RECQL5: variants seen among roughly 807,000 people sequenced by gnomAD.
The protein encoded by RECQL5 is ATP-dependent DNA helicase Q5.
In RECQL5, 88 loss-of-function variants were observed where a neutral mutation model predicts 103.4. That is an observed-to-expected ratio of 0.85 (90% CI 0.72 to 1.02). The LOEUF (loss-of-function observed/expected upper bound fraction) is 1.02, where lower values mean the gene tolerates loss of function less well. Among genes scored for constraint, RECQL5 ranks in the 50% least tolerant of loss-of-function variants. RECQL5 has a pLI of 0.00. For missense variants in RECQL5, 1,232 were observed against 1,284.3 expected, an observed-to-expected ratio of 0.96 and a Z score of 0.62; for synonymous variants, 552 against 507.9, an observed-to-expected ratio of 1.09 and a Z score of -1.17.
rs1190605634 is a variant in RECQL5 at position 75,631,641 on chromosome 17, G to A, written c.1257C>T (p.Tyr419=). The change falls in exon 9 of 20, where the codon TAC becomes TAT. Residue 419 remains tyrosine, a synonymous_variant. Coordinates refer to ENST00000317905, the MANE Select transcript of RECQL5 (RefSeq NM_004259.7). ...CGCAGGCAGGCAGCGCATCCCCGAA[G>A]TACTTGGCAATGGCGGCATGGCGGC... ...LGCRHAAIAK[Y]FGDALPACAK... 2 of 1,611,732 alleles carry A rather than the reference G, an allele frequency of 1.2e-6. No homozygotes were observed. The highest frequency in any genetic ancestry group is 1.3e-5 in the African/African-American group (1 of 74,902).
chr17:75,651,137 TAAATG>T, intron 8 of RECQL5, 44 bp downstream of exon 8: 1 of 1,613,950 alleles, frequency 6.2e-7, no homozygotes, highest in South Asian at 1.1e-5. Flanking sequence ...GCCGGGGAAG[TAAATG>T]ATCTCACTGA....
At chr17:75,649,833 G>C (rs1188770398) in intron 8 of RECQL5, 2 of 985,356 alleles carry the variant, frequency 2.0e-6, no homozygotes, top group Non-Finnish European at 2.4e-6. Context: ...TGGACTCCTT[G>C]AGTCCACAGA....
At chr17:75,630,043 T>C (rs2059177364) in intron 14 of RECQL5, 141 bp downstream of exon 14, 2 of 745,302 alleles carry the variant, frequency 2.7e-6, no homozygotes, top group East Asian at 3.2e-5. Context: ...AATGGAGCTC[T>C]ACCCCCATAA....
At chr17:75,647,828 T>C in intron 8 of RECQL5, 1 of 399,520 alleles carries the variant, frequency 2.5e-6, no homozygotes, top group South Asian at 4.9e-5. Flanking sequence ...TAAAAGCACA[T>C]GGAGAGGATG....
intron 7 of RECQL5, among the ~76,000 whole-genome samples, chr17:75,651,933 G>A (rs1013811074): frequency 6.6e-6 from 1 of 152,084 alleles, no homozygotes; most frequent in Admixed American, 6.6e-5. Flanking sequence ...TTCTTGATAA[G>A]CTTAAAACAT....
At chr17:75,647,306 C>A in intron 8 of RECQL5, 2 of 1,397,424 alleles carry the variant, frequency 1.4e-6, no homozygotes, top group Admixed American at 2.2e-5. Flanking sequence ...GCGGGCAGAG[C>A]ATAGCACCTG....
chr17:75,630,815 C>A lies in RECQL5; in HGVS notation c.1608G>T (p.Glu536Asp). 6.7e-7 allele frequency: 1 copy of A among 1,497,232 alleles called. No individual in the cohort carries two copies. 92.7% of individuals were successfully genotyped at this position (1,497,232 alleles called of 1,614,324 possible). A position where few individuals can be genotyped will look rare whatever the true frequency, so the allele number is the denominator to read the frequency against. Residue 536 changes from glutamate to aspartate, a missense_variant, in exon 12 of 20, where the codon GAG becomes GAT. Coordinates refer to ENST00000317905, the MANE Select transcript of RECQL5 (RefSeq NM_004259.7). The stretch of plus-strand genomic sequence containing the variant: ...GCCTGGGGATCCTCCTGCTAGAAGC[C>A]TCTTTCAGGGGACAGTTCTCATCTG... ...VPPDENCPLK[E>D]ASSRRIPRLT...
chr17:75,629,673 G>A (rs375712167), intron 15 of RECQL5, 35 bp downstream of exon 15: 46 of 1,575,490 alleles, frequency 2.9e-5, no homozygotes, highest in Non-Finnish European at 3.7e-5. Context: ...GCCTTTCCTG[G>A]TCACAGGTCT....
At chr17:75,651,049 C>T (rs2059548645) in intron 8 of RECQL5, 137 bp downstream of exon 8, 1 of 1,570,320 alleles carries the variant, frequency 6.4e-7, no homozygotes, top group Non-Finnish European at 8.6e-7. Flanking sequence ...TCCACACTGC[C>T]CGACACAACA....
At chr17:75,643,626 A>G (rs1468717272) in intron 8 of RECQL5, among the ~76,000 whole-genome samples, 1 of 152,260 alleles carries the variant, frequency 6.6e-6, no homozygotes, top group African/African-American at 2.4e-5. Flanking sequence ...GAAGATGGGC[A>G]TGGAAAGGTG....
At chr17:75,655,175 G>A (rs1354247536) in intron 7 of RECQL5, among the ~76,000 whole-genome samples, 1 of 152,088 alleles carries the variant, frequency 6.6e-6, no homozygotes, top group African/African-American at 2.4e-5. Flanking sequence ...TTGTTCAAGC[G>A]ATTTTCCTAC....
chr17:75,640,862 G>A lies in RECQL5; in HGVS notation c.1230-9194C>T, dbSNP rs1207922331. On this transcript the variant is annotated intron_variant, in intron 8 of 19. Coordinates refer to ENST00000317905, the MANE Select transcript of RECQL5 (RefSeq NM_004259.7). The surrounding 1 kb of genome is among the most constrained non-coding windows in gnomAD (Gnocchi z 4.6). ...TCACTGCTGCTGCCCTGAGCGGAGAGGCAGGAAGGTCCAGGTGCAGCCGAC... is the reference window on the plus strand; with the variant it reads ...TCACTGCTGCTGCCCTGAGCGGAGAAGCAGGAAGGTCCAGGTGCAGCCGAC... 1 of 1,548,260 alleles carries A rather than the reference G, an allele frequency of 6.5e-7. No homozygotes were observed. The highest frequency in any genetic ancestry group is 8.7e-7 in the Non-Finnish European group (1 of 1,146,962).
chr17:75,659,282 A>T (rs1330748795), intron 6 of RECQL5, among the ~76,000 whole-genome samples: 2 of 152,070 alleles, frequency 1.3e-5, no homozygotes, highest in African/African-American at 2.4e-5. Context: ...GGATGGTCTC[A>T]ATCTGTTGAC....
rs180860478 is a variant in RECQL5 at position 75,664,781 on chromosome 17, C to G, written c.252+270G>C. On this transcript the variant is annotated intron_variant, in intron 3 of 19. Coordinates refer to ENST00000317905, the MANE Select transcript of RECQL5 (RefSeq NM_004259.7). ...TACAAAAATTAGCCGGGTATGGTGG[C>G]ATACACCTGTAATCCCAGCTATATG... is the stretch of plus-strand genomic sequence containing the variant. 3.8e-3 allele frequency among the ~76,000 whole-genome samples: 577 copies of G among 151,820 alleles called. 1 individual carries two copies. The highest frequency in any genetic ancestry group is 5.3e-3 in the Non-Finnish European group (363 of 67,928).
In RECQL5 at chr17:75,629,709, G is replaced by A. The variant is rs774610615; in HGVS notation, c.1946C>T (p.Ser649Leu). The change falls in exon 15 of 20, where the codon TCG becomes TTG. Residue 649 changes from serine to leucine, a missense_variant and splice_region_variant. By Grantham distance (145) the Ser-to-Leu change is moderately radical (BLOSUM62 -2). Coordinates refer to ENST00000317905, the MANE Select transcript of RECQL5 (RefSeq NM_004259.7). Reference protein sequence around the residue: ...YDIPPASHVYSLKPKRVGAGF... With the variant: ...YDIPPASHVYLLKPKRVGAGF... ...GGAGGCCACTGGGCCACAGCTCACC[G>A]AGTACACATGGGAGGCTGGTGGAAT... 65 of 1,607,936 alleles carry A rather than the reference G, an allele frequency of 4.0e-5. 1 individual carries two copies. In the South Asian group the frequency reaches 6.3e-4, roughly 16 times the overall value.
At chr17:75,634,128 AG>A (rs1283890100) in intron 8 of RECQL5, 3 of 985,340 alleles carry the variant, frequency 3.0e-6, no homozygotes, top group Non-Finnish European at 3.6e-6. Flanking sequence ...GCGCCCACGA[AG>A]GAAGTACGAG....
chr17:75,657,308 C>T (rs985231026), intron 7 of RECQL5, among the ~76,000 whole-genome samples: 1 of 152,060 alleles, frequency 6.6e-6, no homozygotes, highest in East Asian at 1.9e-4. Flanking sequence ...TCACTCGAGC[C>T]CAGGAGTTCG....
At chr17:75,649,176 C>T (rs1315749132) in intron 8 of RECQL5, 2 of 152,180 alleles carry the variant, frequency 1.3e-5, no homozygotes, top group Admixed American at 6.5e-5. Context: ...CAACAGGGCC[C>T]AATTCAATCC....
rs1389841101 is a variant in RECQL5 at position 75,631,320 on chromosome 17, G to A, written c.1449-71C>T. On this transcript the variant is annotated intron_variant, in intron 9 of 19. Transcript: ENST00000317905. ...TCCCCATGTGTGCTGCTGCTAGAACGGCAATGTCCCTGATGTCCTACCAGC... is the reference window on the plus strand; with the variant it reads ...TCCCCATGTGTGCTGCTGCTAGAACAGCAATGTCCCTGATGTCCTACCAGC... The A allele has an allele frequency of 5.5e-5, 85 of 1,551,264 alleles. No individual in the cohort carries two copies. The Middle Eastern group carries it at 1.0e-3, about 18-fold the overall frequency.
Sources: gnomAD v4.1 joint callset for allele counts (sites outside exome capture counted in the v4.1 genomes callset) on GRCh38, gnomAD v4.1.1 for gene constraint, Gnocchi (gnomAD v3.1) non-coding constraint, MANE v1.5 for transcripts, NCBI Gene and HGNC (gene_info 2026-07-23, HGNC 2026-07-21) for gene names.